GABRB2: variants seen among roughly 807,000 people sequenced by gnomAD.
GABRB2 encodes the protein gamma-aminobutyric acid type A receptor subunit beta2.
In GABRB2, 16 loss-of-function variants were observed where a neutral mutation model predicts 54.7. That is an observed-to-expected ratio of 0.29 (90% CI 0.20 to 0.44). The LOEUF (loss-of-function observed/expected upper bound fraction) is 0.44, where lower values mean the gene tolerates loss of function less well. GABRB2 is among the 20% of genes least tolerant of loss of function. The probability of loss-of-function intolerance (pLI) is 1.00; values close to 1 mark genes in which losing one functional copy is unlikely to be tolerated. For missense variants in GABRB2, 355 were observed against 644.0 expected (o/e 0.55, Z 4.86); for synonymous variants, 244 against 233.8 (o/e 1.04, Z -0.40).
chr5:161,406,287 T>A (rs2113098996), intron 5 of GABRB2, among the ~76,000 whole-genome samples: 1 of 152,224 alleles, frequency 6.6e-6, no homozygotes, highest in Non-Finnish European at 1.5e-5. Context: ...TAATTTGCAT[T>A]TTATACTGCA....
intron 9 of GABRB2, among the ~76,000 whole-genome samples, chr5:161,295,988 A>G (rs901004221): frequency 1.2e-4 from 18 of 152,364 alleles, no homozygotes; most frequent in African/African-American, 4.3e-4. Flanking sequence ...AGGAAGGAAC[A>G]TTTAAAGGTT....
chr5:161,531,132 G>A (rs1391076029), intron 3 of GABRB2, among the ~76,000 whole-genome samples: 4 of 152,102 alleles, frequency 2.6e-5, no homozygotes, highest in African/African-American at 7.2e-5. Flanking sequence ...CTTGAACAAC[G>A]AAAGGCACAC....
At chr5:161,463,551 T>G (rs2962418) in intron 3 of GABRB2, among the ~76,000 whole-genome samples, 2 of 30,258 alleles carry the variant, frequency 6.6e-5, no homozygotes, top group African/African-American at 2.1e-4. Context: ...CCAAATATTT[T>G]TATTTATATA....
intron 3 of GABRB2, among the ~76,000 whole-genome samples, chr5:161,498,841 C>T (rs1291321490): frequency 6.6e-6 from 1 of 152,126 alleles, no homozygotes; most frequent in African/African-American, 2.4e-5. Flanking sequence ...CTTGTTGGTT[C>T]CTTGCTTCTT....
intron 5 of GABRB2, among the ~76,000 whole-genome samples, chr5:161,378,730 A>T (rs1291437208): frequency 8.3e-6 from 1 of 121,148 alleles, no homozygotes; most frequent in African/African-American, 2.8e-5. Context: ...TTGGTTTGAA[A>T]GTTACAGCTA....
At chr5:161,494,906 A>G (rs1018566657) in intron 3 of GABRB2, among the ~76,000 whole-genome samples, 2 of 151,890 alleles carry the variant, frequency 1.3e-5, no homozygotes, top group African/African-American at 4.8e-5. Context: ...TTCTCTCTAT[A>G]TAAGTAGTAA....
At chr5:161,340,966 C>T (rs1754138713) in intron 5 of GABRB2, among the ~76,000 whole-genome samples, 1 of 151,968 alleles carries the variant, frequency 6.6e-6, no homozygotes, top group Non-Finnish European at 1.5e-5. Context: ...TTACTTCTGG[C>T]TACTGCCTGT....
chr5:161,437,315 C>T (rs1178333884), intron 4 of GABRB2, among the ~76,000 whole-genome samples: 1 of 151,926 alleles, frequency 6.6e-6, no homozygotes, highest in Admixed American at 6.6e-5. Flanking sequence ...CCAGCCACAG[C>T]AGGATAGGCC....
At chr5:161,438,282 G>T (rs1300348823) in intron 4 of GABRB2, among the ~76,000 whole-genome samples, 2 of 152,148 alleles carry the variant, frequency 1.3e-5, no homozygotes, top group Non-Finnish European at 2.9e-5. Flanking sequence ...TCCTGAGTCT[G>T]GTCTAAGACG....
At chr5:161,377,880 T>C (rs1487974236) in intron 5 of GABRB2, among the ~76,000 whole-genome samples, 3 of 152,080 alleles carry the variant, frequency 2.0e-5, no homozygotes, top group Non-Finnish European at 4.4e-5. Context: ...AAATATTTTA[T>C]ATATGTTTAA....
At chr5:161,428,505 C>T (rs1444707837) in intron 4 of GABRB2, among the ~76,000 whole-genome samples, 4 of 152,034 alleles carry the variant, frequency 2.6e-5, no homozygotes, top group Non-Finnish European at 4.4e-5. Context: ...TATTCTCCAC[C>T]ATCAGGGAGT....
At chr5:161,345,863 A>T (rs1422022918) in intron 5 of GABRB2, among the ~76,000 whole-genome samples, 1 of 152,032 alleles carries the variant, frequency 6.6e-6, no homozygotes, top group Non-Finnish European at 1.5e-5. Context: ...TTCTTAATAC[A>T]GGTCTTAATT....
intron 3 of GABRB2, among the ~76,000 whole-genome samples, chr5:161,527,994 G>A (rs1259592721): frequency 1.3e-5 from 2 of 151,576 alleles, no homozygotes; most frequent in Non-Finnish European, 3.0e-5. Context: ...CATCAAATAT[G>A]AATACACAGG....
chr5:161,330,180 T>A (rs1444570979), intron 8 of GABRB2: 1 of 152,142 alleles, frequency 6.6e-6, no homozygotes, highest in Admixed American at 6.5e-5. Flanking sequence ...TAAACAGGGT[T>A]TATAGTTTTG....
At chr5:161,444,091 G>GA (rs1561652329) in intron 4 of GABRB2, among the ~76,000 whole-genome samples, 2 of 151,966 alleles carry the variant, frequency 1.3e-5, no homozygotes, top group Non-Finnish European at 2.9e-5. Context: ...TAATATTTGG[G>GA]AAAAAATACT....
intron 3 of GABRB2, among the ~76,000 whole-genome samples, chr5:161,516,596 A>G (rs1423081222): frequency 1.3e-5 from 2 of 152,232 alleles, no homozygotes; most frequent in East Asian, 3.8e-4. Context: ...TGTTTTTGAT[A>G]TGCCACACAT....
At chr5:161,464,155 G>A (rs1307999968) in intron 3 of GABRB2, among the ~76,000 whole-genome samples, 1 of 151,882 alleles carries the variant, frequency 6.6e-6, no homozygotes, top group African/African-American at 2.4e-5. Context: ...TTAAGGGAGG[G>A]AAAATATAAA....
intron 5 of GABRB2, among the ~76,000 whole-genome samples, chr5:161,385,259 T>A (rs1325938589): frequency 6.6e-6 from 1 of 152,226 alleles, no homozygotes; most frequent in East Asian, 1.9e-4. Flanking sequence ...TATTCCCCAC[T>A]GAATTCTAGC....
chr5:161,541,038 G>T (rs1016082059), intron 3 of GABRB2, among the ~76,000 whole-genome samples: 1 of 152,046 alleles, frequency 6.6e-6, no homozygotes, highest in Admixed American at 6.6e-5. Context: ...TAGAGACAGG[G>T]TTTCACCATG....
Sources: gnomAD v4.1 joint callset for allele counts (sites outside exome capture counted in the v4.1 genomes callset) on GRCh38, gnomAD v4.1.1 for gene constraint, MANE v1.5 for transcripts, NCBI Gene and HGNC (gene_info 2026-07-23, HGNC 2026-07-21) for gene names.